PTCHD4: variants seen among roughly 807,000 people sequenced by gnomAD.
PTCHD4 encodes patched domain containing 4.
PTCHD4 carries 33 observed loss-of-function variants against 58.1 expected under a neutral mutation model. The ratio of observed to expected loss-of-function variants is 0.57; its 90% confidence interval spans 0.43 to 0.76. The LOEUF is 0.76. Ranked by LOEUF, PTCHD4 falls within the 30% of genes least tolerant of loss-of-function variation. The probability of loss-of-function intolerance (pLI) is 0.00; values close to 1 mark genes in which losing one functional copy is unlikely to be tolerated. For missense variants in PTCHD4, 1,058 were observed against 1,027.1 expected (o/e 1.03, Z -0.41); for synonymous variants, 478 against 409.6 (o/e 1.17, Z -2.02).
intron 1 of PTCHD4, among the ~76,000 whole-genome samples, chr6:48,102,407 C>T (rs995023019): frequency 6.6e-6 from 1 of 152,168 alleles, no homozygotes; most frequent in Non-Finnish European, 1.5e-5. Context: ...CGAGTTTCAG[C>T]CAAAACGTCC....
chr6:48,006,813 A>T (rs76803193), intron 4 of PTCHD4, among the ~76,000 whole-genome samples: 18,754 of 152,224 alleles, frequency 0.12, 1,508 homozygotes, highest in South Asian at 0.2. Context: ...AAATAGTAAA[A>T]CTTGCTGATA....
chr6:48,097,424 G>C (rs1370208393), intron 1 of PTCHD4, among the ~76,000 whole-genome samples: 1 of 152,064 alleles, frequency 6.6e-6, no homozygotes, highest in Admixed American at 6.5e-5. Context: ...AAGAAGTGTA[G>C]ATCATACCAC....
Position 47,869,260 on chromosome 6 carries a change from T to C in PTCHD4, c.*9043A>G, listed in dbSNP as rs1763656313. ...AGCCCCTGAACAATTATGCCCCAGC[T>C]TGAAACTGTATAGCGTGCAGCCAAA... On this transcript the variant is annotated 3_prime_UTR_variant, in exon 5 of 5. Transcript: ENST00000339488. Among the ~76,000 whole-genome samples the C allele has an allele frequency of 6.6e-6, 1 of 151,718 alleles. No homozygotes were observed. The highest frequency in any genetic ancestry group is 2.4e-5 in the African/African-American group (1 of 41,366).
At chr6:48,065,578 C>T (rs1764766060) in intron 3 of PTCHD4, among the ~76,000 whole-genome samples, 1 of 152,182 alleles carries the variant, frequency 6.6e-6, no homozygotes, top group South Asian at 2.1e-4. Context: ...TCTCATTTTG[C>T]TCTCTGCCAG....
chr6:48,010,836 G>C (rs1370689291), intron 3 of PTCHD4, among the ~76,000 whole-genome samples: 1 of 152,168 alleles, frequency 6.6e-6, no homozygotes, highest in East Asian at 1.9e-4. Flanking sequence ...TTTTGAGTGA[G>C]TGTTTGGTTT....
intron 4 of PTCHD4, among the ~76,000 whole-genome samples, chr6:47,926,891 G>GT (rs1765641474): frequency 6.6e-6 from 1 of 152,184 alleles, no homozygotes; most frequent in Admixed American, 6.5e-5. Context: ...AACTATTACT[G>GT]TTTTCTCATT....
intron 3 of PTCHD4, among the ~76,000 whole-genome samples, chr6:48,015,049 TTCCC>T (rs1762820548): frequency 6.6e-6 from 1 of 152,178 alleles, no homozygotes; most frequent in African/African-American, 2.4e-5. Flanking sequence ...ACTTCTTCTT[TTCCC>T]CAAAAACCTC....
chr6:48,101,878 G>T (rs570488025), intron 1 of PTCHD4, among the ~76,000 whole-genome samples: 1 of 152,090 alleles, frequency 6.6e-6, no homozygotes, highest in African/African-American at 2.4e-5. Flanking sequence ...TAGCTGGTGC[G>T]GTTGGATGAA....
intron 1 of PTCHD4, among the ~76,000 whole-genome samples, chr6:48,078,488 C>G (rs546825243): frequency 6.6e-6 from 1 of 152,308 alleles, no homozygotes; most frequent in African/African-American, 2.4e-5. Context: ...TGACATGCTG[C>G]TTTGTGCACA....
intron 4 of PTCHD4, among the ~76,000 whole-genome samples, chr6:47,953,607 C>T (rs944120094): frequency 9.9e-5 from 15 of 152,008 alleles, no homozygotes; most frequent in African/African-American, 3.1e-4. Flanking sequence ...AAGAATGGAG[C>T]ACATAAAATG....
chr6:48,063,481 T>C (rs1472034952), intron 3 of PTCHD4, among the ~76,000 whole-genome samples: 1 of 152,216 alleles, frequency 6.6e-6, no homozygotes, highest in Non-Finnish European at 1.5e-5. Context: ...GAGGATGTCA[T>C]GGGATCTAAT....
At chr6:48,026,113 G>A (rs887891022) in intron 3 of PTCHD4, among the ~76,000 whole-genome samples, 8 of 152,116 alleles carry the variant, frequency 5.3e-5, no homozygotes, top group African/African-American at 1.7e-4. Context: ...ACTATCTGAT[G>A]AGATATGTGT....
chr6:48,108,833 A>T (rs1057237865), intron 1 of PTCHD4, among the ~76,000 whole-genome samples: 1 of 151,930 alleles, frequency 6.6e-6, no homozygotes, highest in African/African-American at 2.4e-5. Context: ...ACAGAAAGCT[A>T]AAAGATGAAT....
At chr6:47,888,863 T>C (rs1764284492) in intron 4 of PTCHD4, among the ~76,000 whole-genome samples, 1 of 125,870 alleles carries the variant, frequency 7.9e-6, no homozygotes, top group Non-Finnish European at 1.6e-5. Flanking sequence ...TGTGTCCATG[T>C]GATCTCATTG....
At chr6:48,009,150 A>C (rs756119789) in intron 3 of PTCHD4, 36 bp from the exon 4 acceptor site, 1 of 1,557,570 alleles carries the variant, frequency 6.4e-7, no homozygotes, top group South Asian at 1.2e-5. Flanking sequence ...TCAGTTACGG[A>C]TGTATATTCC....
In PTCHD4 at chr6:47,939,237, T is replaced by C. The variant is rs181168617; in HGVS notation, c.899-59301A>G. Reference sequence around the variant, plus strand: ...TAACTTTAACTGAATCAAAGTCCCATTAAGAGTTATTAAAACTCAGATTAC... The same window carrying C: ...TAACTTTAACTGAATCAAAGTCCCACTAAGAGTTATTAAAACTCAGATTAC... On this transcript the variant is annotated intron_variant, in intron 4 of 4. Transcript: ENST00000339488. 1.4e-4 allele frequency among the ~76,000 whole-genome samples: 21 copies of C among 152,314 alleles called. No individual in the cohort carries two copies. In the East Asian group the frequency reaches 4.1e-3, roughly 29 times the overall value.
chr6:47,889,553 A>G (rs1413194594), intron 4 of PTCHD4, among the ~76,000 whole-genome samples: 1 of 152,044 alleles, frequency 6.6e-6, no homozygotes, highest in Non-Finnish European at 1.5e-5. Context: ...TCTGGATATT[A>G]TCTACAACTA....
chr6:48,034,553 G>T (rs1435278275), intron 3 of PTCHD4, among the ~76,000 whole-genome samples: 1 of 152,032 alleles, frequency 6.6e-6, no homozygotes, highest in Non-Finnish European at 1.5e-5. Flanking sequence ...GGCTGAGGGT[G>T]GAAAAACAAT....
rs953283353 is a variant in PTCHD4 at position 47,863,515 on chromosome 6, A to T, written c.*14788T>A. On this transcript the variant is annotated 3_prime_UTR_variant, in exon 5 of 5. Transcript: ENST00000339488. The stretch of plus-strand genomic sequence containing the variant: ...AGGGTTGTGAGATTTAGCAAGTAAA[A>T]ATGCAATATGCCCAGTTAAATTTGA... 5.3e-5 allele frequency among the ~76,000 whole-genome samples: 8 copies of T among 152,004 alleles called. No homozygotes were observed. The highest frequency in any genetic ancestry group is 2.0e-4 in the Admixed American group (3 of 15,238).
Sources: allele counts gnomAD v4.1 joint callset (sites outside exome capture counted in the v4.1 genomes callset), GRCh38; gene constraint gnomAD v4.1.1; transcripts MANE v1.5; gene names NCBI Gene and HGNC (gene_info 2026-07-23, HGNC 2026-07-21).